The following KLHL8 variants were observed in gnomAD, a reference collection of about 807,000 sequenced individuals.
The protein encoded by KLHL8 is kelch-like protein 8.
In KLHL8, 38 loss-of-function variants were observed where a neutral mutation model predicts 63.5. That is an observed-to-expected ratio of 0.60 (90% CI 0.46 to 0.78). The LOEUF (loss-of-function observed/expected upper bound fraction) is 0.78. Ranked by LOEUF, KLHL8 falls within the 30% of genes least tolerant of loss-of-function variation. KLHL8 has a pLI of 0.00. For missense variants in KLHL8, 566 were observed against 752.4 expected (o/e 0.75, Z 2.90); for synonymous variants, 224 against 254.3 (o/e 0.88, Z 1.13).
upstream of KLHL8, among the ~76,000 whole-genome samples, chr4:87,222,956 ATTTAT>A (rs1015743641): frequency 2.7e-5 from 4 of 149,076 alleles, no homozygotes; most frequent in South Asian, 4.3e-4. Context: ...ATTTTATTTT[ATTTAT>A]TTTATTTTAG....
upstream of KLHL8, among the ~76,000 whole-genome samples, chr4:87,223,669 C>A (rs1015810797): frequency 6.6e-6 from 1 of 151,964 alleles, no homozygotes; most frequent in Admixed American, 6.6e-5. Context: ...GGCAAAAATT[C>A]TGAAAATTAA....
At chr4:87,172,992 C>G (rs1730690082) in intron 6 of KLHL8, among the ~76,000 whole-genome samples, 1 of 152,146 alleles carries the variant, frequency 6.6e-6, no homozygotes, top group Non-Finnish European at 1.5e-5. Flanking sequence ...CCTTGGCAAA[C>G]TTGAAAGGCC....
intron 1 of KLHL8, among the ~76,000 whole-genome samples, chr4:87,240,011 A>G (rs1434320741): frequency 2.0e-5 from 3 of 152,134 alleles, no homozygotes; most frequent in Non-Finnish European, 4.4e-5. Flanking sequence ...TCAAAGTCCT[A>G]ATAATTTACT....
intron 2 of KLHL8, among the ~76,000 whole-genome samples, chr4:87,189,045 G>C (rs1445098699): frequency 6.6e-6 from 1 of 152,168 alleles, no homozygotes; most frequent in African/African-American, 2.4e-5. Flanking sequence ...AACAAGAATA[G>C]GTTCAAAGAC....
At chr4:87,167,615 G>C (rs1730452747) in intron 8 of KLHL8, 1 of 481,792 alleles carries the variant, frequency 2.1e-6, no homozygotes, top group African/African-American at 2.0e-5. Flanking sequence ...AGCACCATGT[G>C]CTGCAGATGG....
intron 1 of KLHL8, among the ~76,000 whole-genome samples, chr4:87,236,242 T>TCTA (rs1733225541): frequency 6.7e-6 from 1 of 149,982 alleles, no homozygotes; most frequent in South Asian, 2.1e-4. Flanking sequence ...GGAGTCTCGC[T>TCTA]CTGTAGCCCA....
intron 1 of KLHL8, among the ~76,000 whole-genome samples, chr4:87,199,408 G>A (rs548037590): frequency 6.6e-6 from 1 of 152,014 alleles, no homozygotes; most frequent in Non-Finnish European, 1.5e-5. Flanking sequence ...GCTACTGGAG[G>A]AAAACACGTG....
Position 87,160,358 on chromosome 4 carries a change from C to T in KLHL8, c.*3161G>A, listed in dbSNP as rs749032859. 5 of 152,070 alleles carry T rather than the reference C, an allele frequency of 3.3e-5. No individual in the cohort carries two copies. The South Asian group carries it at 8.3e-4, about 25-fold the overall frequency. The allele number at this position is 152,070 out of a possible 1,614,324, so 9.4% of individuals were successfully genotyped here. A position where few individuals can be genotyped will look rare whatever the true frequency, so the allele number is the denominator to read the frequency against. On this transcript the variant is annotated 3_prime_UTR_variant, in exon 10 of 10. Coordinates refer to ENST00000273963, the MANE Select transcript of KLHL8 (RefSeq NM_020803.5). ...TAATAATTTCTTTACACATCTGATA[C>T]GAGAAACCACAGAAACATTCTTAAC...
Position 87,195,479 on chromosome 4 carries a change from G to C in KLHL8, c.61C>G (p.Gln21Glu). 1 of 1,613,836 alleles carries C rather than the reference G, an allele frequency of 6.2e-7. No individual in the cohort carries two copies. The highest frequency in any genetic ancestry group is 8.5e-7 in the Non-Finnish European group (1 of 1,179,904). The change falls in exon 2 of 10, where the codon CAA (glutamine) becomes GAA (glutamate). Residue 21 changes from glutamine (Q) to glutamate (E), a missense_variant. Coordinates refer to ENST00000273963, the MANE Select transcript of KLHL8 (RefSeq NM_020803.5). ...TTCTTTATTTGCTGGTGCTGTTGTT[G>C]CCTTTTCCCCTTTGTAATGTGATTC... ...ARNHITKGKR[Q>E]QQHQQIKNRS...
intron 1 of KLHL8, among the ~76,000 whole-genome samples, chr4:87,226,259 A>T (rs1007736872): frequency 6.6e-6 from 1 of 152,062 alleles, no homozygotes; most frequent in Non-Finnish European, 1.5e-5. Flanking sequence ...TACTTCTTTC[A>T]TTAAGATATA....
chr4:87,169,978 G>A (rs1300357340), intron 8 of KLHL8, 101 bp downstream of exon 8: 8 of 875,972 alleles, frequency 9.1e-6, no homozygotes, highest in Non-Finnish European at 1.4e-5. Context: ...TTTCAGGACC[G>A]ATTCTACTTA....
In KLHL8 at chr4:87,162,130, C is replaced by G. The variant is rs1216551113; in HGVS notation, c.*1389G>C. 6.6e-6 allele frequency: 1 copy of G among 152,182 alleles called. No homozygotes were observed. Among genetic ancestry groups the G allele is most frequent in the East Asian group, 1.9e-4 (1 of 5,200 alleles). The allele number at this position is 152,182 out of a possible 1,614,324, so 9.4% of individuals were successfully genotyped here. A position where few individuals can be genotyped will look rare whatever the true frequency, so the allele number is the denominator to read the frequency against. ...CCCAGCTTCCTTATGAACCAGATTA[C>G]TGACCAGCGGTGAACTACAATAAAT... On this transcript the variant is annotated 3_prime_UTR_variant, in exon 10 of 10. Transcript: ENST00000273963.
At chr4:87,183,445 A>G in intron 3 of KLHL8, 56 bp from the exon 4 acceptor site, 2 of 1,309,950 alleles carry the variant, frequency 1.5e-6, no homozygotes, top group Middle Eastern at 1.9e-4. Context: ...GGGAAAATAT[A>G]AAGTCTAAAA....
chr4:87,223,475 G>A (rs915820653), upstream of KLHL8, among the ~76,000 whole-genome samples: 1 of 152,130 alleles, frequency 6.6e-6, no homozygotes, highest in African/African-American at 2.4e-5. Context: ...CACTGAGCTA[G>A]GAACTGGGAA....
intron 1 of KLHL8, among the ~76,000 whole-genome samples, chr4:87,231,932 GA>G (rs1198903798): frequency 1.3e-5 from 2 of 152,120 alleles, no homozygotes; most frequent in East Asian, 3.8e-4. Flanking sequence ...CTATCTCACA[GA>G]TTTTCTCCTA....
At chr4:87,218,508 C>T (rs532132541) in intron 1 of KLHL8, among the ~76,000 whole-genome samples, 1 of 152,268 alleles carries the variant, frequency 6.6e-6, no homozygotes, top group East Asian at 1.9e-4. Flanking sequence ...TGAGCCACCG[C>T]GCCCGGCCCT....
intron 1 of KLHL8, among the ~76,000 whole-genome samples, chr4:87,197,688 G>A (rs911687454): frequency 6.6e-6 from 1 of 152,136 alleles, no homozygotes; most frequent in African/African-American, 2.4e-5. Flanking sequence ...CCTTCTGTCA[G>A]GTCTAAAATT....
At chr4:87,211,010 G>C (rs1218698772) in intron 1 of KLHL8, among the ~76,000 whole-genome samples, 3 of 152,062 alleles carry the variant, frequency 2.0e-5, no homozygotes, top group Non-Finnish European at 4.4e-5. Context: ...TTCACTACTA[G>C]TCTTCCCTGT....
intron 1 of KLHL8, among the ~76,000 whole-genome samples, chr4:87,211,362 AT>A (rs1288359547): frequency 6.6e-6 from 1 of 152,224 alleles, no homozygotes; most frequent in Non-Finnish European, 1.5e-5. Flanking sequence ...TACATTTAAA[AT>A]TTTGAATCAA....
Sources: gnomAD v4.1 joint callset for allele counts (sites outside exome capture counted in the v4.1 genomes callset) on GRCh38, gnomAD v4.1.1 for gene constraint, MANE v1.5 for transcripts, NCBI Gene and HGNC (gene_info 2026-07-23, HGNC 2026-07-21) for gene names.